Variants in GRM7 observed in about 807,000 individuals in gnomAD.
GRM7 encodes metabotropic glutamate receptor 7.
Under a neutral mutation model 84.5 loss-of-function variants are expected in GRM7, and 35 were observed. The ratio of observed to expected loss-of-function variants is 0.41; its 90% CI spans 0.32 to 0.55. The LOEUF (loss-of-function observed/expected upper bound fraction) is 0.55. Ranked by LOEUF, GRM7 falls within the 20% of genes least tolerant of loss-of-function variation. GRM7 has a pLI of 0.19. For synonymous variants in GRM7, 487 were observed against 455.1 expected (o/e 1.07, Z -0.89); for missense variants, 1,003 against 1,194.6 (o/e 0.84, Z 2.36).
chr3:7,387,820 G>C (rs1559286474), intron 4 of GRM7, among the ~76,000 whole-genome samples: 1 of 151,978 alleles, frequency 6.6e-6, no homozygotes, highest in Non-Finnish European at 1.5e-5. Flanking sequence ...TCCTAATTCT[G>C]TGAAAAATGA....
At position 7,201,437 on chromosome 3, in the gene GRM7, T is replaced by C. The variant is rs1349090413; in HGVS notation, c.736+54769T>C. Among the ~76,000 whole-genome samples, 12 of 152,306 alleles carry C rather than the reference T, an allele frequency of 7.9e-5. No homozygotes were observed. In the East Asian group the frequency reaches 1.7e-3, roughly 22 times the overall value. On this transcript the variant is annotated intron_variant, in intron 2 of 9. Coordinates refer to ENST00000357716, the MANE Select transcript of GRM7 (RefSeq NM_000844.4). ...ATATACTAGAATCAGAAGTACTACTTTTAAAAGTGCTGTTTTCTTCCTGGG... is the reference window on the plus strand; with the variant it reads ...ATATACTAGAATCAGAAGTACTACTCTTAAAAGTGCTGTTTTCTTCCTGGG...
At chr3:7,398,913 T>G in intron 4 of GRM7, among the ~76,000 whole-genome samples, 1 of 151,914 alleles carries the variant, frequency 6.6e-6, no homozygotes, top group East Asian at 1.9e-4. Context: ...ACAATTCCTT[T>G]CTATCTCCAT....
At position 7,228,451 on chromosome 3, in the gene GRM7, A is replaced by G. The variant is rs142410087; in HGVS notation, c.737-70233A>G. Among the ~76,000 whole-genome samples, 598 of 152,320 alleles carry G rather than the reference A, an allele frequency of 3.9e-3. 2 individuals carry two copies. The highest frequency in any genetic ancestry group is 0.013 in the African/African-American group (535 of 41,570). ...CAGGATTCAGGAATTTCAGAACACA[A>G]CATCTTCAGAAATCCAAGAAGACGC... On this transcript the variant is annotated intron_variant, in intron 2 of 9. Coordinates refer to ENST00000357716, the MANE Select transcript of GRM7 (RefSeq NM_000844.4).
intron 1 of GRM7, among the ~76,000 whole-genome samples, chr3:7,005,344 C>T (rs1695149207): frequency 6.6e-6 from 1 of 152,170 alleles, no homozygotes; most frequent in Non-Finnish European, 1.5e-5. Context: ...ACCTGGGATT[C>T]ATATTTTTTG....
intron 1 of GRM7, among the ~76,000 whole-genome samples, chr3:7,126,696 G>C (rs1242790516): frequency 1.3e-5 from 2 of 152,172 alleles, no homozygotes; most frequent in South Asian, 2.1e-4. Flanking sequence ...AGATAAATGT[G>C]TTGTTGTCGT....
chr3:7,235,711 C>T (rs1451993246), intron 2 of GRM7, among the ~76,000 whole-genome samples: 1 of 152,140 alleles, frequency 6.6e-6, no homozygotes, highest in East Asian at 1.9e-4. Flanking sequence ...TATTTTTGAG[C>T]TGCCTACATG....
intron 5 of GRM7, among the ~76,000 whole-genome samples, chr3:7,415,412 T>A (rs969647071): frequency 2.6e-5 from 4 of 152,028 alleles, no homozygotes; most frequent in Non-Finnish European, 5.9e-5. Flanking sequence ...TCAGAAGGGG[T>A]CATGTTGCTT....
At chr3:6,957,157 G>T (rs1446260834) in intron 1 of GRM7, among the ~76,000 whole-genome samples, 1 of 152,148 alleles carries the variant, frequency 6.6e-6, no homozygotes, top group Admixed American at 6.5e-5. Flanking sequence ...TTTTGGGACT[G>T]CCACTAAGTG....
In GRM7 at chr3:7,064,548, G is replaced by GATATATAT. The variant is rs60042248; in HGVS notation, c.520-81889_520-81882dup. On this transcript the variant is annotated intron_variant, in intron 1 of 9. Coordinates refer to ENST00000357716, the MANE Select transcript of GRM7 (RefSeq NM_000844.4). Reference sequence around the variant, plus strand: ...CACACACACGCATCCATCATGTATGGATATATATATATATATATATATCAC... The same window carrying GATATATAT: ...CACACACACGCATCCATCATGTATGGATATATATATATATATATATATATATATATCAC... Among the ~76,000 whole-genome samples, 348 of 89,524 alleles carry GATATATAT rather than the reference G, an allele frequency of 3.9e-3. 2 individuals carry two copies. The highest frequency in any genetic ancestry group is 6.6e-3 in the African/African-American group (132 of 20,026). 58.7% of individuals were successfully genotyped at this position (89,524 alleles called of 152,430 possible). A position where few individuals can be genotyped will look rare whatever the true frequency, so the allele number is the denominator to read the frequency against.
intron 8 of GRM7, among the ~76,000 whole-genome samples, chr3:7,602,811 C>T (rs185461821): frequency 3.0e-4 from 45 of 152,196 alleles, no homozygotes; most frequent in Admixed American, 2.5e-3. Context: ...TGCTTTGATG[C>T]GTCTTGTATA....
At chr3:7,293,648 G>A (rs1256940150) in intron 2 of GRM7, among the ~76,000 whole-genome samples, 1 of 152,184 alleles carries the variant, frequency 6.6e-6, no homozygotes, top group Non-Finnish European at 1.5e-5. Context: ...GTCAGAGGGA[G>A]AATGTAGTGT....
At chr3:7,098,424 T>G (rs1344738463) in intron 1 of GRM7, among the ~76,000 whole-genome samples, 2 of 152,020 alleles carry the variant, frequency 1.3e-5, no homozygotes, top group Admixed American at 6.6e-5. Flanking sequence ...ATAGGGTCAC[T>G]TTGGAGTTAT....
rs142814515 is a variant in GRM7 at position 7,146,604 on chromosome 3, C to T, written c.672C>T (p.Leu224=). The change falls in exon 2 of 10, where the codon CTC becomes CTT. Residue 224 remains leucine (L), a synonymous_variant. Coordinates refer to ENST00000357716, the MANE Select transcript of GRM7 (RefSeq NM_000844.4). ...KALGWNYVST[L]ASEGSYGEKG... is the part of the protein sequence containing the mutation. ...TAGGCTGGAATTATGTGTCTACCCTCGCATCGGAAGGAAGTTATGGAGAGA... is the reference window on the plus strand; with the variant it reads ...TAGGCTGGAATTATGTGTCTACCCTTGCATCGGAAGGAAGTTATGGAGAGA... 5 of 1,613,838 alleles carry T rather than the reference C, an allele frequency of 3.1e-6. No individual in the cohort carries two copies. Among genetic ancestry groups the T allele is most frequent in the South Asian group, 2.2e-5 (2 of 91,076 alleles).
chr3:7,160,905 C>T (rs1272016593), intron 2 of GRM7, among the ~76,000 whole-genome samples: 1 of 152,106 alleles, frequency 6.6e-6, no homozygotes, highest in East Asian at 1.9e-4. Context: ...TTGTCTTGGA[C>T]TTCGCTGCCA....
intron 2 of GRM7, among the ~76,000 whole-genome samples, chr3:7,218,518 G>A (rs1193871321): frequency 6.6e-6 from 1 of 151,916 alleles, no homozygotes; most frequent in African/African-American, 2.4e-5. Flanking sequence ...GGGAATAGAT[G>A]ACATATAAAA....
At chr3:7,270,850 G>T (rs1244233501) in intron 2 of GRM7, among the ~76,000 whole-genome samples, 3 of 152,188 alleles carry the variant, frequency 2.0e-5, no homozygotes, top group African/African-American at 7.2e-5. Flanking sequence ...GAAGAGAAAG[G>T]CATACCAGAA....
intron 4 of GRM7, among the ~76,000 whole-genome samples, chr3:7,382,105 CCTT>C (rs1694615117): frequency 6.6e-6 from 1 of 152,068 alleles, no homozygotes; most frequent in Non-Finnish European, 1.5e-5. Context: ...TTATAATGAT[CCTT>C]CTTTTCTCTC....
Position 7,703,192 on chromosome 3 carries a change from C to G in GRM7, c.2698+22897C>G, listed in dbSNP as rs572279196. Among the ~76,000 whole-genome samples, 5 of 152,224 alleles carry G rather than the reference C, an allele frequency of 3.3e-5. No individual in the cohort carries two copies. The East Asian group carries it at 9.7e-4, about 29-fold the overall frequency. The stretch of plus-strand genomic sequence containing the variant: ...TAGCATTGCTCTAATGTTCTCCACT[C>G]TGATCTTAGGACCAGAAGCATCGGC... On this transcript the variant is annotated intron_variant, in intron 9 of 9. Coordinates refer to ENST00000357716, the MANE Select transcript of GRM7 (RefSeq NM_000844.4).
chr3:7,323,001 G>C (rs565887859), intron 4 of GRM7, among the ~76,000 whole-genome samples: 1 of 152,194 alleles, frequency 6.6e-6, no homozygotes, highest in East Asian at 1.9e-4. Context: ...ATTGCTTATG[G>C]AACAAAGGAA....
Sources: allele counts gnomAD v4.1 joint callset (sites outside exome capture counted in the v4.1 genomes callset), GRCh38; gene constraint gnomAD v4.1.1; transcripts MANE v1.5; gene names NCBI Gene and HGNC (gene_info 2026-07-23, HGNC 2026-07-21).